Variants in ERICH1 observed in about 807,000 individuals in gnomAD.
ERICH1 encodes the protein glutamate rich 1, also known as glutamate-rich protein 1.
In ERICH1, 56 loss-of-function variants were observed where a neutral mutation model predicts 39.6. The ratio of observed to expected loss-of-function variants is 1.41; its 90% CI spans 1.14 to 1.77. ERICH1 has a LOEUF of 1.77. ERICH1 is among the 40% of genes most tolerant of loss of function. ERICH1 has a pLI of 0.00. For synonymous variants in ERICH1, 313 were observed against 223.6 expected (o/e 1.40, Z -3.57); for missense variants, 826 against 575.4 (o/e 1.44, Z -4.45).
In ERICH1 at chr8:704,995, A is replaced by C. The variant is rs56223684; in HGVS notation, c.169+10866T>G. Among the ~76,000 whole-genome samples the C allele has an allele frequency of 3.2e-3, 483 of 152,368 alleles. 3 individuals carry two copies. Among genetic ancestry groups the C allele is most frequent in the African/African-American group, 0.011 (460 of 41,584 alleles). On this transcript the variant is annotated intron_variant, in intron 2 of 5. Coordinates refer to ENST00000262109, the MANE Select transcript of ERICH1 (RefSeq NM_207332.3). ...TTCAATATGGGCTCTTCAGTGAAAA[A>C]AGTTTACCAAAATGCACATACACCA...
At chr8:623,167 C>G (rs537546708) in intron 3 of ERICH1, among the ~76,000 whole-genome samples, 1 of 152,072 alleles carries the variant, frequency 6.6e-6, no homozygotes, top group Non-Finnish European at 1.5e-5. Context: ...CACTAGCAAA[C>G]AACTTAAAAC....
intron 3 of ERICH1, among the ~76,000 whole-genome samples, chr8:629,593 GAGACAGA>G (rs1797832627): frequency 3.8e-5 from 3 of 78,662 alleles, no homozygotes; most frequent in African/African-American, 1.7e-4. Context: ...ACCACCCACA[GAGACAGA>G]GCTGACTCAC....
In ERICH1 at chr8:664,395, A is replaced by C; in HGVS notation, c.*208T>G. 8.1e-7 allele frequency: 1 copy of C among 1,228,656 alleles called. No homozygotes were observed. Among genetic ancestry groups the C allele is most frequent in the Non-Finnish European group, 1.0e-6 (1 of 983,624 alleles). The allele number at this position is 1,228,656 out of a possible 1,614,324, so 76.1% of individuals were successfully genotyped here. A position where few individuals can be genotyped will look rare whatever the true frequency, so the allele number is the denominator to read the frequency against. On this transcript the variant is annotated 3_prime_UTR_variant, in exon 6 of 6. Coordinates refer to ENST00000262109, the MANE Select transcript of ERICH1 (RefSeq NM_207332.3). ...TATGTAGTAATTCAAGATATATATA[A>C]TTGCAAATAAGTGAAAAATTTCCAT...
intron 3 of ERICH1, among the ~76,000 whole-genome samples, chr8:682,172 C>T (rs578151464): frequency 6.6e-6 from 1 of 152,264 alleles, no homozygotes; most frequent in Non-Finnish European, 1.5e-5. Flanking sequence ...GTCTTCCTCA[C>T]GGTGGTCTGA....
intron 4 of ERICH1, chr8:669,033 G>A: frequency 2.0e-6 from 1 of 501,480 alleles, no homozygotes; most frequent in Non-Finnish European, 3.5e-6. Flanking sequence ...GCCTCCCCTG[G>A]CCCATCTACA....
At chr8:617,607 C>G (rs1189391665) in intron 3 of ERICH1, among the ~76,000 whole-genome samples, 1 of 151,244 alleles carries the variant, frequency 6.6e-6, no homozygotes, top group Non-Finnish European at 1.5e-5. Context: ...TCCATCTGTT[C>G]TCACTGCCCT....
intron 4 of ERICH1, among the ~76,000 whole-genome samples, chr8:672,444 AATTATTAC>A (rs1213432359): frequency 1.3e-5 from 2 of 152,162 alleles, no homozygotes; most frequent in Admixed American, 6.5e-5. Context: ...TTACTTCCCA[AATTATTAC>A]ATAGCTGATA....
intron 3 of ERICH1, among the ~76,000 whole-genome samples, chr8:654,784 G>T (rs1331454198): frequency 1.3e-5 from 2 of 152,150 alleles, no homozygotes; most frequent in Non-Finnish European, 2.9e-5. Context: ...GGAGGGGCAG[G>T]CAGTGGTGTC....
intron 3 of ERICH1, among the ~76,000 whole-genome samples, chr8:677,366 G>T (rs946606318): frequency 1.3e-5 from 2 of 152,196 alleles, no homozygotes; most frequent in Non-Finnish European, 2.9e-5. Flanking sequence ...ACCGTGTCTT[G>T]TTGTGATTGG....
chr8:687,490 T>A (rs1807699781), intron 3 of ERICH1, among the ~76,000 whole-genome samples: 1 of 152,176 alleles, frequency 6.6e-6, no homozygotes, highest in Non-Finnish European at 1.5e-5. Flanking sequence ...GGGTCCAGAC[T>A]GTCACCCCAT....
At chr8:665,520 C>A (rs1265328709) in intron 5 of ERICH1, among the ~76,000 whole-genome samples, 4 of 152,190 alleles carry the variant, frequency 2.6e-5, no homozygotes, top group Admixed American at 2.0e-4. Context: ...CAGGCTCCAT[C>A]CCGCCCAGGG....
rs1300950531 is a variant in ERICH1 at position 664,655 on chromosome 8, G to C, written c.1280C>G (p.Ala427Gly). ...ATGTGTGATCCAGTAACTAAAGAAA[G>C]CTGAGATTACTCTGGCATGGTCTAG... ...MPPDHARVIS[A>G]FFSYWITHIL... Residue 427 changes from alanine (A) to glycine (G), a missense_variant, in exon 6 of 6, where the codon GCT becomes GGT. Transcript: ENST00000262109. 1.9e-6 allele frequency: 3 copies of C among 1,612,358 alleles called. No individual in the cohort carries two copies. In the Admixed American group the frequency reaches 5.0e-5, roughly 27 times the overall value.
intron 3 of ERICH1, among the ~76,000 whole-genome samples, chr8:621,639 A>T (rs1195451514): frequency 6.6e-6 from 1 of 152,158 alleles, no homozygotes; most frequent in Non-Finnish European, 1.5e-5. Flanking sequence ...AACAATAGAG[A>T]AATCAACAAG....
chr8:630,312 A>G (rs1245871378), intron 3 of ERICH1, among the ~76,000 whole-genome samples: 3 of 121,554 alleles, frequency 2.5e-5, no homozygotes, highest in Admixed American at 7.9e-5. Flanking sequence ...CCACCCACAC[A>G]GACAGAGCTG....
intron 2 of ERICH1, among the ~76,000 whole-genome samples, chr8:709,405 G>T (rs1374836431): frequency 6.6e-6 from 1 of 152,164 alleles, no homozygotes; most frequent in Non-Finnish European, 1.5e-5. Context: ...GCCATAGCCT[G>T]TTTCTCCGTG....
intron 3 of ERICH1, among the ~76,000 whole-genome samples, chr8:642,809 C>A (rs944538870): frequency 3.3e-5 from 5 of 152,128 alleles, no homozygotes; most frequent in African/African-American, 1.2e-4. Context: ...GCCGCACACC[C>A]AGGATGTCTA....
chr8:622,997 T>G (rs918163222), intron 3 of ERICH1, among the ~76,000 whole-genome samples: 1 of 117,674 alleles, frequency 8.5e-6, no homozygotes, highest in Admixed American at 8.6e-5. Context: ...ACATCAATAC[T>G]AATCAATACC....
At chr8:618,857 A>G (rs1454996473) in intron 3 of ERICH1, among the ~76,000 whole-genome samples, 1 of 152,168 alleles carries the variant, frequency 6.6e-6, no homozygotes, top group Non-Finnish European at 1.5e-5. Context: ...TCAGTGGTGG[A>G]AATTTCAAAG....
At chr8:663,772 T>A (rs1801780457), downstream of ERICH1, among the ~76,000 whole-genome samples, 1 of 151,654 alleles carries the variant, frequency 6.6e-6, no homozygotes, top group East Asian at 1.9e-4. Context: ...TTTTTTTTTT[T>A]ATTTTGAGCT....
Sources: gnomAD v4.1 joint callset for allele counts (sites outside exome capture counted in the v4.1 genomes callset) on GRCh38, gnomAD v4.1.1 for gene constraint, MANE v1.5 for transcripts, NCBI Gene and HGNC (gene_info 2026-07-23, HGNC 2026-07-21) for gene names.